SMOC2: variants seen among roughly 807,000 people sequenced by gnomAD.
The protein encoded by SMOC2 is SPARC-related modular calcium-binding protein 2.
Under a neutral mutation model 61.4 loss-of-function variants are expected in SMOC2, and 39 were observed. The ratio of observed to expected loss-of-function variants is 0.64; its 90% CI spans 0.49 to 0.83. The LOEUF is 0.83. SMOC2 is among the 40% of genes least tolerant of loss of function. The pLI is 0.00. For missense variants in SMOC2, 556 were observed against 592.9 expected, an observed-to-expected ratio of 0.94 and a Z score of 0.65; for synonymous variants, 247 against 239.9, an observed-to-expected ratio of 1.03 and a Z score of -0.27.
chr6:168,573,512 G>A (rs1338472004), intron 7 of SMOC2, among the ~76,000 whole-genome samples: 1 of 152,190 alleles, frequency 6.6e-6, no homozygotes, highest in African/African-American at 2.4e-5. Context: ...GCCTGCTGCT[G>A]GTGCTGCTGG....
intron 12 of SMOC2, chr6:168,664,931 A>C (rs1787622542): frequency 2.4e-6 from 1 of 414,698 alleles, no homozygotes; most frequent in Non-Finnish European, 5.0e-6. Context: ...ACATTTCCTA[A>C]GGCAAGCCCC....
At chr6:168,612,422 C>T (rs1348301735) in intron 9 of SMOC2, among the ~76,000 whole-genome samples, 1 of 141,634 alleles carries the variant, frequency 7.1e-6, no homozygotes, top group Non-Finnish European at 1.5e-5. Context: ...CCAGCCTTTA[C>T]CTGAAGAGCA....
intron 9 of SMOC2, among the ~76,000 whole-genome samples, chr6:168,649,707 G>T (rs1246353042): frequency 1.3e-5 from 2 of 152,218 alleles, no homozygotes; most frequent in Non-Finnish European, 2.9e-5. Flanking sequence ...GGAAACGAGG[G>T]TGGGGCTCCT....
At chr6:168,662,531 A>G (rs1047681494) in intron 11 of SMOC2, among the ~76,000 whole-genome samples, 6 of 152,216 alleles carry the variant, frequency 3.9e-5, no homozygotes, top group African/African-American at 1.2e-4. Flanking sequence ...GTGATGCCAC[A>G]TGGGTGGATG....
intron 1 of SMOC2, among the ~76,000 whole-genome samples, chr6:168,508,375 T>A (rs147242445): frequency 1.1e-3 from 166 of 152,316 alleles, no homozygotes; most frequent in African/African-American, 3.8e-3. Context: ...GAACTGAGAC[T>A]TAACCCACAG....
intron 9 of SMOC2, among the ~76,000 whole-genome samples, chr6:168,628,605 A>G (rs765536891): frequency 8.5e-5 from 13 of 152,240 alleles, no homozygotes; most frequent in Admixed American, 2.6e-4. Flanking sequence ...AACATAAATT[A>G]TACTTTTATT....
At chr6:168,528,469 C>A (rs1221471180) in intron 4 of SMOC2, among the ~76,000 whole-genome samples, 2 of 152,194 alleles carry the variant, frequency 1.3e-5, no homozygotes, top group Admixed American at 1.3e-4. Context: ...TAATAAACTA[C>A]AAAATGTCTC....
intron 4 of SMOC2, among the ~76,000 whole-genome samples, chr6:168,541,487 G>A (rs1783878041): frequency 6.6e-6 from 1 of 152,192 alleles, no homozygotes; most frequent in African/African-American, 2.4e-5. Flanking sequence ...GACAGCATCA[G>A]AGTTGCTTTC....
At position 168,606,363 on chromosome 6, in the gene SMOC2, A is replaced by G. The variant is rs1785689772; in HGVS notation, c.825-1794A>G. On this transcript the variant is annotated intron_variant, in intron 8 of 12. Coordinates refer to ENST00000356284, the MANE Select transcript of SMOC2 (RefSeq NM_001166412.2). ...AGTGTGTCAGAGACTTTAATTTCAA[A>G]AACAATATTTCAAAAAGATATATTA... Among the ~76,000 whole-genome samples, 4 of 152,270 alleles carry G rather than the reference A, an allele frequency of 2.6e-5. No homozygotes were observed. The South Asian group carries it at 8.3e-4, about 32-fold the overall frequency.
At chr6:168,626,511 G>A (rs774074211) in intron 9 of SMOC2, among the ~76,000 whole-genome samples, 3 of 152,148 alleles carry the variant, frequency 2.0e-5, no homozygotes, top group African/African-American at 4.8e-5. Flanking sequence ...TGGCGATTCC[G>A]CAGACAGGCC....
intron 7 of SMOC2, among the ~76,000 whole-genome samples, chr6:168,581,481 G>A (rs894897791): frequency 3.4e-4 from 52 of 152,140 alleles, no homozygotes; most frequent in African/African-American, 1.2e-3. Flanking sequence ...CAGAAGCCCC[G>A]GACGGGTCTG....
At chr6:168,613,857 G>A (rs199889398) in intron 9 of SMOC2, among the ~76,000 whole-genome samples, 2,044 of 66,588 alleles carry the variant, frequency 0.031, 235 homozygotes, top group Admixed American at 0.14. Flanking sequence ...AGCACAGGGG[G>A]CCTCTTCACA....
chr6:168,554,943 G>A lies in SMOC2; in HGVS notation c.637+5740G>A, dbSNP rs148982891. Among the ~76,000 whole-genome samples, 121 of 152,340 alleles carry A rather than the reference G, an allele frequency of 7.9e-4. 1 individual carries two copies. Among genetic ancestry groups the A allele is most frequent in the African/African-American group, 2.4e-3 (98 of 41,566 alleles). On this transcript the variant is annotated intron_variant, in intron 7 of 12. Transcript: ENST00000356284. ...ACAGGGCGTGTGCTCCCTCGGGCAC[G>A]AGTTCTCTCTGGCATTTTTGAAAGG...
intron 1 of SMOC2, among the ~76,000 whole-genome samples, chr6:168,500,844 C>T (rs1782710783): frequency 6.6e-6 from 1 of 152,154 alleles, no homozygotes; most frequent in South Asian, 2.1e-4. Flanking sequence ...AGGGGCATCT[C>T]GATTCTCACT....
rs868764005 is a variant in SMOC2, at chr6:168,649,509, C to T, written c.908-1172C>T. ...TGCCTGGCTTCTGTCTTCTATTTTC[C>T]CCTCGGTATCTTTCTCTTTCTACTG... On this transcript the variant is annotated intron_variant, in intron 9 of 12. Coordinates refer to ENST00000356284, the MANE Select transcript of SMOC2 (RefSeq NM_001166412.2). Among the ~76,000 whole-genome samples, 3 of 152,250 alleles carry T rather than the reference C, an allele frequency of 2.0e-5. No individual in the cohort carries two copies. The Middle Eastern group carries it at 0.01, about 518-fold the overall frequency.
At chr6:168,531,882 C>T (rs2115082625) in intron 4 of SMOC2, among the ~76,000 whole-genome samples, 1 of 152,290 alleles carries the variant, frequency 6.6e-6, no homozygotes, top group East Asian at 1.9e-4. Context: ...CCTTGAATTC[C>T]TATTTACACT....
chr6:168,658,615 C>A (rs1187373013), intron 11 of SMOC2, among the ~76,000 whole-genome samples: 2 of 152,162 alleles, frequency 1.3e-5, no homozygotes, highest in Non-Finnish European at 2.9e-5. Context: ...TTCAATTAAA[C>A]CGAAGTGAAT....
At chr6:168,510,156 T>C (rs1235535147) in intron 2 of SMOC2, 70 bp downstream of exon 2, 8 of 1,489,560 alleles carry the variant, frequency 5.4e-6, no homozygotes, top group South Asian at 1.2e-5. Flanking sequence ...AAACATATTT[T>C]CATACTTGAT....
chr6:168,666,524 A>G lies in SMOC2; in HGVS notation c.*86A>G, dbSNP rs1445484240. The G allele has an allele frequency of 1.4e-6, 2 of 1,397,628 alleles. No homozygotes were observed. The highest frequency in any genetic ancestry group is 2.0e-6 in the Non-Finnish European group (2 of 985,088). The allele number at this position is 1,397,628 out of a possible 1,614,324, so 86.6% of individuals were successfully genotyped here. A position where few individuals can be genotyped will look rare whatever the true frequency, so the allele number is the denominator to read the frequency against. On this transcript the variant is annotated 3_prime_UTR_variant, in exon 13 of 13. Coordinates refer to ENST00000356284, the MANE Select transcript of SMOC2 (RefSeq NM_001166412.2). ...ATTAAGAAAACAAAAACAGAAACAC[A>G]TAGTATTTGCACTTTGTACTTTAAA...
Sources: gnomAD v4.1 joint callset for allele counts (sites outside exome capture counted in the v4.1 genomes callset) on GRCh38, gnomAD v4.1.1 for gene constraint, MANE v1.5 for transcripts, NCBI Gene and HGNC (gene_info 2026-07-23, HGNC 2026-07-21) for gene names.